The following CACNA2D3 variants were observed in gnomAD, a reference collection of about 807,000 sequenced individuals.
The protein encoded by CACNA2D3 is voltage-dependent calcium channel subunit alpha-2/delta-3.
A neutral mutation model predicts 160.6 loss-of-function variants in CACNA2D3; 60 were observed. The ratio of observed to expected loss-of-function variants is 0.37; its 90% CI spans 0.30 to 0.46. CACNA2D3 has a LOEUF of 0.46. Ranked by LOEUF, CACNA2D3 falls within the 20% of genes least tolerant of loss-of-function variation. CACNA2D3 has a pLI of 1.00. For missense variants in CACNA2D3, 1,205 were observed against 1,365.0 expected, an observed-to-expected ratio of 0.88 and a Z score of 1.85; for synonymous variants, 558 against 492.9, an observed-to-expected ratio of 1.13 and a Z score of -1.75.
intron 16 of CACNA2D3, among the ~76,000 whole-genome samples, chr3:54,845,760 T>C (rs1423926270): frequency 1.3e-5 from 2 of 152,212 alleles, no homozygotes; most frequent in East Asian, 1.9e-4. Flanking sequence ...AGGCTCCGCA[T>C]AGAAAATTAC....
At chr3:54,954,142 T>C (rs767249809) in intron 27 of CACNA2D3, among the ~76,000 whole-genome samples, 7 of 152,218 alleles carry the variant, frequency 4.6e-5, no homozygotes, top group Non-Finnish European at 8.8e-5. Context: ...AATCATGTCA[T>C]CATGCAGGCA....
At chr3:54,265,337 A>G (rs1245463766) in intron 2 of CACNA2D3, among the ~76,000 whole-genome samples, 1 of 152,126 alleles carries the variant, frequency 6.6e-6, no homozygotes, top group African/African-American at 2.4e-5. Flanking sequence ...GAGTTGAACA[A>G]TGAGAACACA....
intron 27 of CACNA2D3, among the ~76,000 whole-genome samples, chr3:54,948,776 A>G (rs1701680751): frequency 6.6e-6 from 1 of 152,238 alleles, no homozygotes; most frequent in Admixed American, 6.5e-5. Flanking sequence ...ATACATGAAG[A>G]TAATTTGCTC....
At chr3:54,238,773 A>C (rs907941980) in intron 2 of CACNA2D3, among the ~76,000 whole-genome samples, 2 of 152,218 alleles carry the variant, frequency 1.3e-5, no homozygotes, top group African/African-American at 4.8e-5. Flanking sequence ...AATGCAGTTT[A>C]ATCTGCCCAT....
At chr3:54,533,424 TC>T (rs1374418363) in intron 5 of CACNA2D3, among the ~76,000 whole-genome samples, 1 of 144,170 alleles carries the variant, frequency 6.9e-6, no homozygotes, top group Non-Finnish European at 1.5e-5. Context: ...AACCTCCATC[TC>T]CCAGGTTCAA....
chr3:54,220,334 C>A (rs1306823896), intron 2 of CACNA2D3, among the ~76,000 whole-genome samples: 1 of 151,676 alleles, frequency 6.6e-6, no homozygotes, highest in Admixed American at 6.6e-5. Context: ...TCTAACATTC[C>A]CTGTATATAG....
At chr3:54,378,538 C>T (rs1430038309) in intron 3 of CACNA2D3, among the ~76,000 whole-genome samples, 1 of 152,176 alleles carries the variant, frequency 6.6e-6, no homozygotes, top group East Asian at 1.9e-4. Context: ...GGACTATCCC[C>T]TTGGGAAGTT....
intron 4 of CACNA2D3, among the ~76,000 whole-genome samples, chr3:54,435,876 A>C (rs1197049527): frequency 1.3e-5 from 2 of 152,198 alleles, no homozygotes; most frequent in African/African-American, 2.4e-5. Flanking sequence ...TTAGCCAAAA[A>C]CAGAAGTAAT....
At chr3:54,604,290 T>C (rs1490862194) in intron 9 of CACNA2D3, among the ~76,000 whole-genome samples, 2 of 152,150 alleles carry the variant, frequency 1.3e-5, no homozygotes, top group African/African-American at 4.8e-5. Context: ...CCTTCTCCCA[T>C]GGAGATACAA....
chr3:54,514,647 G>A (rs1419436545), intron 5 of CACNA2D3, among the ~76,000 whole-genome samples: 1 of 152,138 alleles, frequency 6.6e-6, no homozygotes, highest in Non-Finnish European at 1.5e-5. Flanking sequence ...TTGTGGTACA[G>A]TAAGAGTGTA....
At chr3:55,027,739 AGAAATTACGCAGTAAGATCTTTTTCATAG>A (rs1433163880) in intron 35 of CACNA2D3, among the ~76,000 whole-genome samples, 1 of 152,234 alleles carries the variant, frequency 6.6e-6, no homozygotes, top group Non-Finnish European at 1.5e-5. Flanking sequence ...ATAGTATTTC[AGAAATTACGCAGTAAGATCTTTTTCATAG>A]GAAAACATCT....
chr3:54,370,912 C>T (rs1481047310), intron 3 of CACNA2D3, among the ~76,000 whole-genome samples: 1 of 150,402 alleles, frequency 6.6e-6, no homozygotes, highest in East Asian at 1.9e-4. Context: ...TAGGCATCCA[C>T]AAATCTTTCT....
chr3:54,474,098 C>T (rs1363739175), intron 4 of CACNA2D3, among the ~76,000 whole-genome samples: 3 of 152,128 alleles, frequency 2.0e-5, no homozygotes, highest in African/African-American at 4.8e-5. Flanking sequence ...CATATGCACG[C>T]ATATGTTTAT....
chr3:54,276,763 T>C (rs1257169980), intron 2 of CACNA2D3, among the ~76,000 whole-genome samples: 1 of 152,124 alleles, frequency 6.6e-6, no homozygotes, highest in African/African-American at 2.4e-5. Flanking sequence ...TGTGCATTTC[T>C]TCCAGGTTAA....
intron 2 of CACNA2D3, among the ~76,000 whole-genome samples, chr3:54,305,577 A>T (rs1214480620): frequency 1.3e-5 from 2 of 152,266 alleles, no homozygotes; most frequent in Non-Finnish European, 2.9e-5. Flanking sequence ...ACACAGGATG[A>T]CTTAGTGACA....
intron 35 of CACNA2D3, among the ~76,000 whole-genome samples, chr3:55,022,506 A>T (rs1333449169): frequency 6.6e-6 from 1 of 150,924 alleles, no homozygotes; most frequent in African/African-American, 2.4e-5. Flanking sequence ...CTTATTCCTC[A>T]TGTTTTTTCT....
At chr3:54,921,491 G>T (rs987342203) in intron 27 of CACNA2D3, among the ~76,000 whole-genome samples, 46 of 152,134 alleles carry the variant, frequency 3.0e-4, no homozygotes, top group Non-Finnish European at 7.3e-5. Flanking sequence ...CTTTGGAGGA[G>T]ATATTATTAT....
intron 13 of CACNA2D3, among the ~76,000 whole-genome samples, chr3:54,776,977 C>T (rs770316854): frequency 2.0e-5 from 3 of 152,208 alleles, no homozygotes; most frequent in Non-Finnish European, 2.9e-5. Context: ...CTTCTCAGAG[C>T]TGATTCTCAT....
Position 55,007,834 on chromosome 3 carries a change from ACTTGT to A in CACNA2D3, c.2817_2819+2del. ...CTGCAGTAAAATGGATCATGACAGA[ACTTGT>A]CTTGTAAGTAAAATCTGCTGCATTT... On this transcript the variant is annotated frameshift_variant, in exon 33 of 38. Coordinates refer to ENST00000474759, the MANE Select transcript of CACNA2D3 (RefSeq NM_018398.3). LOFTEE classifies it high-confidence loss of function. 1 of 1,549,298 alleles carries A rather than the reference ACTTGT, an allele frequency of 6.5e-7. No individual in the cohort carries two copies. Among genetic ancestry groups the A allele is most frequent in the Non-Finnish European group, 8.7e-7 (1 of 1,151,432 alleles).
Sources: allele counts gnomAD v4.1 joint callset (sites outside exome capture counted in the v4.1 genomes callset), GRCh38; gene constraint gnomAD v4.1.1; transcripts MANE v1.5; gene names NCBI Gene and HGNC (gene_info 2026-07-23, HGNC 2026-07-21).